ARHGAP45: variants seen among roughly 807,000 people sequenced by gnomAD.
ARHGAP45 encodes Rho GTPase activating protein 45.
ARHGAP45 carries 56 observed loss-of-function variants against 116.1 expected under a neutral mutation model. The ratio of observed to expected loss-of-function variants is 0.48; its 90% CI spans 0.39 to 0.60. The LOEUF (loss-of-function observed/expected upper bound fraction) is 0.60. ARHGAP45 is among the 20% of genes least tolerant of loss of function. The pLI is 0.00. For missense variants in ARHGAP45, 1,622 were observed against 1,601.0 expected (o/e 1.01, Z -0.22); for synonymous variants, 866 against 701.7 (o/e 1.23, Z -3.70).
chr19:1,086,282 T>C lies in ARHGAP45; in HGVS notation c.*276T>C, dbSNP rs866085440. 85 of 442,458 alleles carry C rather than the reference T, an allele frequency of 1.9e-4. No homozygotes were observed. In the Middle Eastern group the frequency reaches 2.4e-3, roughly 13 times the overall value. 27.4% of individuals were successfully genotyped at this position (442,458 alleles called of 1,614,324 possible). On this transcript the variant is annotated 3_prime_UTR_variant, in exon 23 of 23. Coordinates refer to ENST00000313093, the MANE Select transcript of ARHGAP45 (RefSeq NM_012292.5). ...TCGTGTGAAGTCACAGTGGCCTTGT[T>C]GGTGCCCACAGGGCTGTGTGGATGG... is the stretch of plus-strand genomic sequence containing the variant.
Position 1,086,480 on chromosome 19 carries a change from G to A in ARHGAP45, c.*474G>A, listed in dbSNP as rs1051288081. On this transcript the variant is annotated 3_prime_UTR_variant, in exon 23 of 23. Transcript: ENST00000313093. ...GCAGTTTCCAGGGTGCAGTACAGCA[G>A]GGCCTGAATACTGGCCCTGGACTCC... 4 of 156,846 alleles carry A rather than the reference G, an allele frequency of 2.6e-5. No homozygotes were observed. The highest frequency in any genetic ancestry group is 5.7e-5 in the Non-Finnish European group (4 of 70,726). 9.7% of individuals were successfully genotyped at this position (156,846 alleles called of 1,614,324 possible). A position where few individuals can be genotyped will look rare whatever the true frequency, so the allele number is the denominator to read the frequency against.
intron 10 of ARHGAP45, chr19:1,077,630 C>G (rs1006491847): frequency 7.1e-7 from 1 of 1,408,738 alleles, no homozygotes; most frequent in Non-Finnish European, 9.3e-7. Context: ...AAGTGATCCA[C>G]CTGCCTCGGC....
At chr19:1,082,054 T>C (rs2043453646) in intron 19 of ARHGAP45, 93 bp downstream of exon 19, 1 of 1,092,760 alleles carries the variant, frequency 9.2e-7, no homozygotes, top group Non-Finnish European at 1.2e-6. Context: ...GGAGCAGGAC[T>C]GAGCTGGAGC....
intron 10 of ARHGAP45, 171 bp from the exon 11 acceptor site, chr19:1,077,686 A>G (rs1306959131): frequency 5.5e-6 from 8 of 1,467,752 alleles, no homozygotes; most frequent in Non-Finnish European, 7.2e-6. Context: ...GCGCCCGGCC[A>G]CTCCTCCTGT....
In ARHGAP45 at chr19:1,085,858, G is replaced by C. The variant is rs201676233; in HGVS notation, c.3263G>C (p.Gly1088Ala). ...LEATAREDGD[G>A]DEDGPAQQLS... is the part of the protein sequence containing the mutation. ...GCCACAGCCCGGGAGGACGGGGACG[G>C]GGACGAGGACGGCCCGGCCCAGCAG... is the stretch of plus-strand genomic sequence containing the variant. The change falls in exon 23 of 23, where the codon GGG (glycine) becomes GCG (alanine). Residue 1088 changes from glycine (G) to alanine (A), a missense_variant. By Grantham distance (60) the Gly-to-Ala change is moderately conservative (BLOSUM62 0). Around this residue, in one of 3 missense-constraint regions of ARHGAP45, gnomAD observed 1,334 missense variants for 1,263.8 expected, o/e 1.06. Transcript: ENST00000313093. 2 of 1,612,838 alleles carry C rather than the reference G, an allele frequency of 1.2e-6. No individual in the cohort carries two copies. The highest frequency in any genetic ancestry group is 2.2e-5 in the East Asian group (1 of 44,870).
chr19:1,078,199 A>G (rs370639934), intron 11 of ARHGAP45, among the ~76,000 whole-genome samples, 154 bp downstream of exon 11: 14 of 152,272 alleles, frequency 9.2e-5, no homozygotes, highest in African/African-American at 3.1e-4. Flanking sequence ...GCTGGAGTGC[A>G]GTGGCACAGT....
intron 2 of ARHGAP45, among the ~76,000 whole-genome samples, chr19:1,072,041 T>C (rs2043150468): frequency 6.8e-6 from 1 of 146,018 alleles, no homozygotes; most frequent in African/African-American, 2.4e-5. Context: ...TTTTCTTTTC[T>C]TTCCTTTTCT....
At chr19:1,076,483 C>CT (rs71174343) in intron 10 of ARHGAP45, among the ~76,000 whole-genome samples, 6,402 of 64,946 alleles carry the variant, frequency 0.099, 1,848 homozygotes, top group East Asian at 0.14. Flanking sequence ...TGGCAGTAGT[C>CT]TTTTTTTTTT....
chr19:1,085,532 ATCTC>A, intron 22 of ARHGAP45, 124 bp from the exon 23 acceptor site: 1 of 573,400 alleles, frequency 1.7e-6, no homozygotes, highest in Non-Finnish European at 2.9e-6. Flanking sequence ...GTCTCTCCCC[ATCTC>A]TCCTGTCTCT....
At chr19:1,084,369 G>A (rs762051585) in intron 22 of ARHGAP45, 23 bp downstream of exon 22, 15 of 1,577,052 alleles carry the variant, frequency 9.5e-6, no homozygotes, top group African/African-American at 5.5e-5. Context: ...CTGCCCGAAC[G>A]GCCCCAAGGG....
chr19:1,068,568 C>T lies in ARHGAP45; in HGVS notation c.245C>T (p.Ala82Val). ...GCGGCTGGCTTCCCCCTGTCGGGTG[C>T]TGCCTCCTGGACACTGGGCCGGAGC... is the stretch of plus-strand genomic sequence containing the variant. ...ASAAGFPLSG[A>V]ASWTLGRSHR... Residue 82 changes from alanine to valine, a missense_variant, in exon 2 of 23, where the codon GCT (alanine) becomes GTT (valine). Around this residue, in one of 3 missense-constraint regions of ARHGAP45, gnomAD observed 279 missense variants for 311.9 expected, o/e 0.89. Coordinates refer to ENST00000313093, the MANE Select transcript of ARHGAP45 (RefSeq NM_012292.5). The surrounding 1 kb of genome is among the most constrained non-coding windows in gnomAD (Gnocchi z 7.5). The T allele has an allele frequency of 4.3e-6, 7 of 1,609,902 alleles. No homozygotes were observed. Among genetic ancestry groups the T allele is most frequent in the Non-Finnish European group, 5.9e-6 (7 of 1,178,528 alleles).
chr19:1,076,080 T>C (rs2043241221), intron 10 of ARHGAP45, among the ~76,000 whole-genome samples: 1 of 152,152 alleles, frequency 6.6e-6, no homozygotes. Context: ...GGTTATTTCA[T>C]GGACGTCTTG....
chr19:1,085,608 C>T, intron 22 of ARHGAP45, 52 bp from the exon 23 acceptor site: 1 of 1,353,908 alleles, frequency 7.4e-7, no homozygotes, highest in Non-Finnish European at 1.0e-6. Context: ...CCCCTTGTCT[C>T]TCCTCCATCT....
At chr19:1,081,306 A>C (rs1803357339) in intron 17 of ARHGAP45, 1 of 642,960 alleles carries the variant, frequency 1.6e-6, no homozygotes, top group Non-Finnish European at 2.6e-6. Flanking sequence ...GGCTGTGGCC[A>C]GAAGACCTGG....
rs1466816009 is a variant in ARHGAP45, at chr19:1,073,234, G to A, written c.507G>A (p.Pro169=). The A allele has an allele frequency of 2.5e-6, 4 of 1,613,424 alleles. No individual in the cohort carries two copies. Among genetic ancestry groups the A allele is most frequent in the East Asian group, 2.2e-5 (1 of 44,892 alleles). The change falls in exon 3 of 23, where the codon CCG becomes CCA. Residue 169 remains proline (P), a synonymous_variant. Transcript: ENST00000313093. ...TGCATCAGATCATCTCCAAGTACCC[G>A]CTGCTGAACACCGTGGAGACGCTCA... is the stretch of plus-strand genomic sequence containing the variant. The part of the protein sequence containing the change: ...RVMHQIISKY[P]LLNTVETLTA...
At position 1,085,920 on chromosome 19, in the gene ARHGAP45, C is replaced by T. The variant is rs773123193; in HGVS notation, c.3325C>T (p.Leu1109=). The change falls in exon 23 of 23, where the codon CTG becomes TTG. Residue 1109 remains leucine (L), a synonymous_variant. Coordinates refer to ENST00000313093, the MANE Select transcript of ARHGAP45 (RefSeq NM_012292.5). ...CAACACCAACCAGTCCAACAACGTG[C>T]TGCAGGCCCCACTGCCCCCCATGAG... ...GFNTNQSNNV[L]QAPLPPMRLR... is the part of the protein sequence containing the mutation. 1.2e-5 allele frequency: 19 copies of T among 1,612,880 alleles called. No homozygotes were observed. In the Middle Eastern group the frequency reaches 8.2e-4, roughly 70 times the overall value.
At chr19:1,084,135 G>C in intron 21 of ARHGAP45, 103 bp from the exon 22 acceptor site, 1 of 1,074,424 alleles carries the variant, frequency 9.3e-7, no homozygotes, top group Non-Finnish European at 1.4e-6. Context: ...CTGGGCAACA[G>C]CGGGTGTCAG....
Position 1,068,446 on chromosome 19 carries a change from G to A in ARHGAP45, c.123G>A (p.Val41=). 6.3e-6 allele frequency: 10 copies of A among 1,578,824 alleles called. No homozygotes were observed. The highest frequency in any genetic ancestry group is 8.6e-6 in the Non-Finnish European group (10 of 1,162,554). Residue 41 remains valine, a synonymous_variant, in exon 2 of 23, where the codon GTG becomes GTA. Transcript: ENST00000313093. This position sits in a 1 kb window ranked among gnomAD's most constrained non-coding sequence, Gnocchi z 7.5. ...ELPRKDGADA[V]FPGPSLEPPA... is the part of the protein sequence containing the mutation. ...CCAGGAAGGATGGGGCTGACGCGGTGTTCCCCGGACCAAGCCTGGAGCCGC... is the reference window on the plus strand; with the variant it reads ...CCAGGAAGGATGGGGCTGACGCGGTATTCCCCGGACCAAGCCTGGAGCCGC...
Position 1,073,725 on chromosome 19 carries a change from G to A in ARHGAP45, c.702G>A (p.Val234=), listed in dbSNP as rs1216723922. 3 of 1,598,018 alleles carry A rather than the reference G, an allele frequency of 1.9e-6. No individual in the cohort carries two copies. In the African/African-American group the frequency reaches 4.0e-5, roughly 21 times the overall value. ...GEVDSSTLLA[V]PPGDSSQSME... is the part of the protein sequence containing the mutation. Reference sequence around the variant, plus strand: ...TGGACAGCAGCACCCTCCTAGCAGTGCCTCCTGGGGACTCGAGCCAGGTGA... The same window carrying A: ...TGGACAGCAGCACCCTCCTAGCAGTACCTCCTGGGGACTCGAGCCAGGTGA... The change falls in exon 5 of 23, where the codon GTG becomes GTA. Residue 234 remains valine, a synonymous_variant. Transcript: ENST00000313093.
Sources: allele counts gnomAD v4.1 joint callset (sites outside exome capture counted in the v4.1 genomes callset), GRCh38; gene constraint gnomAD v4.1.1; regional missense constraint gnomAD v4.1.1; non-coding constraint Gnocchi (gnomAD v3.1); transcripts MANE v1.5; gene names NCBI Gene and HGNC (gene_info 2026-07-23, HGNC 2026-07-21).